The following RNF216 variants were observed in gnomAD, a reference collection of about 807,000 sequenced individuals.
RNF216 encodes ring finger protein 216.
A neutral mutation model predicts 110.8 loss-of-function variants in RNF216; 72 were observed. That is an observed-to-expected ratio of 0.65 (90% CI 0.54 to 0.79). The LOEUF (loss-of-function observed/expected upper bound fraction) is 0.79. RNF216 is among the 30% of genes least tolerant of loss of function. The probability of loss-of-function intolerance (pLI) is 0.00; values close to 1 mark genes in which losing one functional copy is unlikely to be tolerated. For synonymous variants in RNF216, 495 were observed against 407.5 expected (o/e 1.21, Z -2.59); for missense variants, 1,342 against 1,141.2 (o/e 1.18, Z -2.54).
At chr7:5,651,648 C>T (rs1001436222) in intron 14 of RNF216, among the ~76,000 whole-genome samples, 1 of 142,292 alleles carries the variant, frequency 7.0e-6, no homozygotes, top group Non-Finnish European at 1.5e-5. Flanking sequence ...TCATTGCATT[C>T]TTTTTTTCTT....
chr7:5,660,943 G>GTTTTTTTTTGTTTTTTTTTTTTTTTT (rs1470327757), intron 13 of RNF216, among the ~76,000 whole-genome samples: 5 of 90,150 alleles, frequency 5.5e-5, no homozygotes, highest in African/African-American at 2.7e-4. Context: ...GAAGCCTTAG[G>GTTTTTTTTTGTTTTTTTTTTTTTTTT]TTTTTTTTTT....
intron 13 of RNF216, 77 bp downstream of exon 13, chr7:5,711,684 A>G: frequency 8.9e-7 from 1 of 1,118,896 alleles, no homozygotes; most frequent in South Asian, 1.4e-5. Context: ...TCAGGTAAAC[A>G]GCAGATATTT....
chr7:5,628,059 C>A (rs1786827288), intron 15 of RNF216, among the ~76,000 whole-genome samples: 1 of 152,184 alleles, frequency 6.6e-6, no homozygotes, highest in Non-Finnish European at 1.5e-5. Flanking sequence ...ACCTTCCCAG[C>A]CTGCCATTCA....
At chr7:5,739,992 G>C (rs1291406919) in intron 4 of RNF216, among the ~76,000 whole-genome samples, 2 of 117,574 alleles carry the variant, frequency 1.7e-5, no homozygotes, top group Non-Finnish European at 3.6e-5. Context: ...GACAGAGTGA[G>C]ACTCGGTCTC....
chr7:5,667,727 T>A (rs564233704), intron 13 of RNF216, among the ~76,000 whole-genome samples: 1 of 152,354 alleles, frequency 6.6e-6, no homozygotes, highest in South Asian at 2.1e-4. Flanking sequence ...TCCTGCCTGC[T>A]GGAACTCCAC....
intron 13 of RNF216, among the ~76,000 whole-genome samples, chr7:5,709,366 T>C (rs1425620346): frequency 6.6e-6 from 1 of 152,220 alleles, no homozygotes; most frequent in Non-Finnish European, 1.5e-5. Context: ...AGAGCCAGCG[T>C]CACAAATTCC....
chr7:5,735,996 G>A (rs1022599855), intron 5 of RNF216, among the ~76,000 whole-genome samples: 2 of 152,198 alleles, frequency 1.3e-5, no homozygotes, highest in African/African-American at 4.8e-5. Context: ...GGGAGGCTGA[G>A]GCAGGAGAAT....
intron 15 of RNF216, among the ~76,000 whole-genome samples, chr7:5,633,660 A>T (rs575922234): frequency 1.3e-5 from 2 of 152,274 alleles, no homozygotes; most frequent in South Asian, 4.1e-4. Flanking sequence ...CCTTTCCTTG[A>T]ATTCCTTTGA....
rs147077353 is a variant in RNF216 at position 5,651,036 on chromosome 7, G to A, written c.2159+1377C>T. Among the ~76,000 whole-genome samples the A allele has an allele frequency of 3.3e-5, 5 of 152,272 alleles. No individual in the cohort carries two copies. In the East Asian group the frequency reaches 5.8e-4, roughly 18 times the overall value. ...CCCACGTGACAATCTAGACCAATGC[G>A]ATACGAGCGGAAGTGAGATATATGT... is the stretch of plus-strand genomic sequence containing the variant. On this transcript the variant is annotated intron_variant, in intron 14 of 16. Coordinates refer to ENST00000389902, the MANE Select transcript of RNF216 (RefSeq NM_207111.4).
intron 13 of RNF216, among the ~76,000 whole-genome samples, chr7:5,664,173 GGCAAAAAAA>G (rs1789354535): frequency 6.6e-6 from 1 of 151,714 alleles, no homozygotes. Flanking sequence ...ACTTTCCATG[GGCAAAAAAA>G]GCGTATCTAT....
chr7:5,704,965 T>A (rs1047885814), intron 13 of RNF216, among the ~76,000 whole-genome samples: 1 of 152,140 alleles, frequency 6.6e-6, no homozygotes, highest in Non-Finnish European at 1.5e-5. Flanking sequence ...TTCTCTCCAC[T>A]GCAAAACGTT....
In RNF216 at chr7:5,680,331, T is replaced by TC. The variant is rs200498854; in HGVS notation, c.2062-27822dup. ...TCTGTCATCATAGAATGCGATCCAC[T>TC]CCCCCAAGCCCAAGTCTCCTACCCG... On this transcript the variant is annotated intron_variant, in intron 13 of 16. Transcript: ENST00000389902. The surrounding 1 kb of genome is among the most constrained non-coding windows in gnomAD (Gnocchi z 4.3). The TC allele has an allele frequency of 8.9e-3, 1,357 of 152,114 alleles. 21 individuals are homozygous for TC. Among genetic ancestry groups the TC allele is most frequent in the African/African-American group, 0.031 (1,293 of 41,472 alleles). The allele number at this position is 152,114 out of a possible 1,614,324, so 9.4% of individuals were successfully genotyped here. A position where few individuals can be genotyped will look rare whatever the true frequency, so the allele number is the denominator to read the frequency against.
At chr7:5,623,253 A>C in intron 16 of RNF216, 74 bp from the exon 17 acceptor site, 1 of 1,416,472 alleles carries the variant, frequency 7.1e-7, no homozygotes, top group African/African-American at 1.4e-5. Context: ...GGACCAGGGC[A>C]GCGACCTCTG....
Position 5,725,361 on chromosome 7 carries a change from C to G in RNF216, c.1467G>C (p.Met489Ile). ...TGAAATCAATGTAAGAATACTGGTT[C>G]ATTTGTTTTCTCTTCTTCCTTTTTC... ...TSGKRKKRKQ[M>I]NQYSYIDFKF... The change falls in exon 8 of 17, where the codon ATG becomes ATC. Residue 489 changes from methionine to isoleucine, a missense_variant. Physicochemically the swap from Met to Ile is conservative, Grantham distance 10 (BLOSUM62 1). Coordinates refer to ENST00000389902, the MANE Select transcript of RNF216 (RefSeq NM_207111.4). The G allele has an allele frequency of 6.2e-7, 1 of 1,613,096 alleles. No homozygotes were observed. Among genetic ancestry groups the G allele is most frequent in the Non-Finnish European group, 8.5e-7 (1 of 1,179,058 alleles).
intron 3 of RNF216, among the ~76,000 whole-genome samples, chr7:5,743,551 G>A (rs575130697): frequency 2.0e-5 from 3 of 152,272 alleles, no homozygotes; most frequent in Non-Finnish European, 2.9e-5. Context: ...ATTAAGTGAA[G>A]AAAAGCAAGC....
Position 5,739,359 on chromosome 7 carries a change from A to T in RNF216, c.1045-7T>A, listed in dbSNP as rs369945377. On this transcript the variant is annotated splice_region_variant and splice_polypyrimidine_tract_variant and intron_variant, in intron 4 of 16. Transcript: ENST00000389902. Reference sequence around the variant, plus strand: ...CATCTGGAAATCTTGCTTCCTAGAAACAAATAAGAACATAATTTATATTTC... The same window carrying T: ...CATCTGGAAATCTTGCTTCCTAGAATCAAATAAGAACATAATTTATATTTC... 14 of 1,588,346 alleles carry T rather than the reference A, an allele frequency of 8.8e-6. No homozygotes were observed. Among genetic ancestry groups the T allele is most frequent in the Admixed American group, 3.7e-5 (2 of 53,342 alleles).
chr7:5,625,245 A>C (rs935919063), intron 15 of RNF216, among the ~76,000 whole-genome samples: 1 of 152,218 alleles, frequency 6.6e-6, no homozygotes, highest in Non-Finnish European at 1.5e-5. Context: ...GAGGTCCTCC[A>C]GGAGTTGAGA....
At chr7:5,674,850 A>G (rs986776702) in intron 13 of RNF216, among the ~76,000 whole-genome samples, 1 of 151,190 alleles carries the variant, frequency 6.6e-6, no homozygotes, top group African/African-American at 2.4e-5. Flanking sequence ...TACAAAAATT[A>G]GCTGGGCATA....
chr7:5,776,899 CAAAAAAAAAA>C (rs754872404), intron 1 of RNF216, among the ~76,000 whole-genome samples: 1 of 83,596 alleles, frequency 1.2e-5, no homozygotes, highest in Non-Finnish European at 2.1e-5. Flanking sequence ...AGACTCTGTC[CAAAAAAAAAA>C]AAAAAAAAGA....
Sources: allele counts gnomAD v4.1 joint callset (sites outside exome capture counted in the v4.1 genomes callset), GRCh38; gene constraint gnomAD v4.1.1; non-coding constraint Gnocchi (gnomAD v3.1); transcripts MANE v1.5; gene names NCBI Gene and HGNC (gene_info 2026-07-23, HGNC 2026-07-21).